CSMD2: variants seen among roughly 807,000 people sequenced by gnomAD.
The protein encoded by CSMD2 is CUB and sushi domain-containing protein 2.
CSMD2 carries 130 observed loss-of-function variants against 398.5 expected under a neutral mutation model. The observed-to-expected ratio is 0.33, with a 90% CI of 0.28 to 0.38. The LOEUF (loss-of-function observed/expected upper bound fraction) is 0.38. Among genes scored for constraint, CSMD2 ranks in the 10% least tolerant of loss-of-function variants. CSMD2 has a pLI of 1.00. For missense variants in CSMD2, 3,829 were observed against 4,764.9 expected (o/e 0.80, Z 5.78); for synonymous variants, 1,828 against 1,908.5 (o/e 0.96, Z 1.10).
chr1:33,596,537 T>C (rs1639849334), intron 44 of CSMD2, among the ~76,000 whole-genome samples: 1 of 152,196 alleles, frequency 6.6e-6, no homozygotes, highest in Non-Finnish European at 1.5e-5. Context: ...TGACTCACAG[T>C]TCAGCATGGC....
intron 1 of CSMD2, among the ~76,000 whole-genome samples, chr1:34,129,011 C>CA (rs59942525): frequency 0.49 from 73,903 of 149,950 alleles, 19,065 homozygotes; most frequent in East Asian, 0.87. Flanking sequence ...GTACCCCCCC[C>CA]CACACACACA....
intron 56 of CSMD2, among the ~76,000 whole-genome samples, chr1:33,547,716 T>G (rs1657044860): frequency 6.6e-6 from 1 of 152,244 alleles, no homozygotes; most frequent in African/African-American, 2.4e-5. Flanking sequence ...TGGCTAGGTT[T>G]TCTTATCTTT....
rs375709011 is a variant in CSMD2, at chr1:33,700,701, A to G, written c.3577-28T>C. The G allele has an allele frequency of 3.1e-6, 5 of 1,612,738 alleles. No individual in the cohort carries two copies. In the African/African-American group the frequency reaches 5.3e-5, roughly 17 times the overall value. On this transcript the variant is annotated intron_variant, in intron 22 of 70. Transcript: ENST00000373381. ...GGACACAGGAGAGACCCCCAACCCA[A>G]TGTCGTCAGCATGGCCTTATGTTGA... is the stretch of plus-strand genomic sequence containing the variant.
At chr1:33,766,135 C>T (rs1650455269) in intron 13 of CSMD2, among the ~76,000 whole-genome samples, 1 of 152,160 alleles carries the variant, frequency 6.6e-6, no homozygotes, top group South Asian at 2.1e-4. Flanking sequence ...ACAGCCAACC[C>T]CTATAGGAAC....
intron 27 of CSMD2, among the ~76,000 whole-genome samples, chr1:33,653,361 A>C (rs1236615855): frequency 6.6e-6 from 1 of 152,136 alleles, no homozygotes; most frequent in Non-Finnish European, 1.5e-5. Flanking sequence ...CCGTGCACTC[A>C]ATGTCAGGAG....
chr1:34,012,375 C>G (rs1480951292), intron 3 of CSMD2, among the ~76,000 whole-genome samples: 2 of 152,166 alleles, frequency 1.3e-5, no homozygotes, highest in African/African-American at 2.4e-5. Flanking sequence ...CCGTCTTATC[C>G]TCCTCTGTTT....
chr1:34,101,258 A>C (rs915361668), intron 1 of CSMD2, among the ~76,000 whole-genome samples: 1 of 152,060 alleles, frequency 6.6e-6, no homozygotes, highest in Non-Finnish European at 1.5e-5. Flanking sequence ...GCCTTCTTTC[A>C]CCCATGCTTT....
intron 5 of CSMD2, among the ~76,000 whole-genome samples, chr1:33,888,119 G>A (rs2125195119): frequency 6.6e-6 from 1 of 152,066 alleles, no homozygotes; most frequent in African/African-American, 2.4e-5. Flanking sequence ...ATTAAAAAAG[G>A]CCTGGAAAAT....
In CSMD2 at chr1:33,635,329, G is replaced by C. The variant is rs771857077; in HGVS notation, c.4971C>G (p.Ala1657=). The change falls in exon 31 of 71, where the codon GCC becomes GCG. Residue 1657 remains alanine, a splice_region_variant and synonymous_variant. Transcript: ENST00000373381. This position sits in a 1 kb window ranked among gnomAD's most constrained non-coding sequence, Gnocchi z 5.0. ...VWNNPRPVCT[A]PCGGQYVGSD... Reference sequence around the variant, plus strand: ...AACCCACATACTGTCCCCCACAGGGGGCTGAAAGAGAAACCAGATAGAGAG... The same window carrying C: ...AACCCACATACTGTCCCCCACAGGGCGCTGAAAGAGAAACCAGATAGAGAG... 1 of 1,588,942 alleles carries C rather than the reference G, an allele frequency of 6.3e-7. No homozygotes were observed. Among genetic ancestry groups the C allele is most frequent in the Non-Finnish European group, 8.6e-7 (1 of 1,158,066 alleles).
chr1:33,569,618 A>G, intron 51 of CSMD2, 71 bp from the exon 52 acceptor site: 1 of 1,477,618 alleles, frequency 6.8e-7, no homozygotes, highest in South Asian at 1.3e-5. Flanking sequence ...GCTTAGCAAG[A>G]ACTGTGACAA....
At chr1:33,791,289 C>T (rs1654279283) in intron 11 of CSMD2, among the ~76,000 whole-genome samples, 1 of 152,164 alleles carries the variant, frequency 6.6e-6, no homozygotes, top group Non-Finnish European at 1.5e-5. Context: ...CCTCAGTCTC[C>T]CCATCTGTTA....
intron 5 of CSMD2, among the ~76,000 whole-genome samples, chr1:33,851,901 A>G (rs1286144659): frequency 6.6e-6 from 1 of 151,672 alleles, no homozygotes; most frequent in African/African-American, 2.4e-5. Context: ...CTTTGAAAAG[A>G]GGCCCCTCAG....
At chr1:34,082,657 G>A (rs946380007) in intron 2 of CSMD2, among the ~76,000 whole-genome samples, 5 of 152,252 alleles carry the variant, frequency 3.3e-5, no homozygotes, top group African/African-American at 1.2e-4. Flanking sequence ...GGAAAAGAGA[G>A]ATCAGATTGT....
rs142786319 is a variant in CSMD2, at chr1:33,605,892, T to C, written c.6344-422A>G. 29 of 1,613,798 alleles carry C rather than the reference T, an allele frequency of 1.8e-5. No homozygotes were observed. In the East Asian group the frequency reaches 2.5e-4, roughly 14 times the overall value. ...ACAACCAGGATCAAGATCCCAGACA[T>C]AGGAAGCGGCGACGGGAGGAGTTGA... On this transcript the variant is annotated intron_variant, in intron 41 of 70. Coordinates refer to ENST00000373381, the MANE Select transcript of CSMD2 (RefSeq NM_001281956.2).
chr1:34,143,947 C>T (rs2148533345), intron 1 of CSMD2, among the ~76,000 whole-genome samples: 1 of 152,328 alleles, frequency 6.6e-6, no homozygotes, highest in South Asian at 2.1e-4. Context: ...CATTTCCTAA[C>T]AATCCACCTA....
At chr1:34,146,667 T>C (rs1156464146) in intron 1 of CSMD2, among the ~76,000 whole-genome samples, 2 of 151,968 alleles carry the variant, frequency 1.3e-5, no homozygotes, top group Non-Finnish European at 2.9e-5. Flanking sequence ...ATGTGGTTAG[T>C]GAAAGGGAGC....
intron 2 of CSMD2, among the ~76,000 whole-genome samples, chr1:34,082,348 G>A (rs1481811849): frequency 2.6e-5 from 4 of 151,040 alleles, no homozygotes; most frequent in South Asian, 2.1e-4. Flanking sequence ...GAGCCCCTCC[G>A]CCCAGCAGCC....
chr1:33,981,337 C>T (rs1646159361), intron 3 of CSMD2, among the ~76,000 whole-genome samples: 1 of 152,232 alleles, frequency 6.6e-6, no homozygotes, highest in Non-Finnish European at 1.5e-5. Context: ...CTTCCACCCT[C>T]AGCTCTGTAT....
intron 25 of CSMD2, among the ~76,000 whole-genome samples, chr1:33,686,866 G>T (rs1397457638): frequency 1.3e-5 from 2 of 152,188 alleles, no homozygotes; most frequent in African/African-American, 4.8e-5. Flanking sequence ...CTTTAGGGGT[G>T]ACTTACAGCC....
Sources: gnomAD v4.1 joint callset for allele counts (sites outside exome capture counted in the v4.1 genomes callset) on GRCh38, gnomAD v4.1.1 for gene constraint, Gnocchi (gnomAD v3.1) non-coding constraint, MANE v1.5 for transcripts, NCBI Gene and HGNC (gene_info 2026-07-23, HGNC 2026-07-21) for gene names.